The following LRTM3 variants were observed in gnomAD, a reference collection of about 807,000 sequenced individuals.
LRTM3 encodes leucine rich repeat transmembrane protein 3.
At chr13:102,730,500 G>T in the LRTM3 span, 247 of 1,551,454 alleles carry the variant, frequency 1.6e-4, 4 homozygotes, top group Admixed American at 4.8e-3. Flanking sequence ...AACCATACAT[G>T]ATATTGTTTG....
the LRTM3 span, chr13:102,747,946 A>G: frequency 1.3e-6 from 2 of 1,551,156 alleles, no homozygotes; most frequent in South Asian, 1.2e-5. Flanking sequence ...TCAGCTCTGA[A>G]TTTGCCTCTT....
chr13:102,749,450 G>T, the LRTM3 span: 2 of 1,551,182 alleles, frequency 1.3e-6, no homozygotes, highest in African/African-American at 1.4e-5. Flanking sequence ...CTTAAAAATA[G>T]TGTCTTGCCC....
the LRTM3 span, among the ~76,000 whole-genome samples, chr13:102,750,935 C>T: frequency 7.9e-4 from 120 of 152,264 alleles, no homozygotes; most frequent in Middle Eastern, 6.8e-3. Context: ...CACCCATGTA[C>T]CTCAAATGAT....
chr13:102,749,512 G>T, the LRTM3 span: 2 of 1,551,240 alleles, frequency 1.3e-6, no homozygotes, highest in Non-Finnish European at 1.7e-6. Context: ...CACAATGTTG[G>T]TCCTCACCTA....
chr13:102,731,718 C>A, the LRTM3 span: 4 of 1,551,314 alleles, frequency 2.6e-6, no homozygotes, highest in Non-Finnish European at 3.5e-6. Flanking sequence ...ATTTTGACTT[C>A]GCTACTTTTA....
chr13:102,729,381 A>G, the LRTM3 span: 6 of 1,190,294 alleles, frequency 5.0e-6, no homozygotes, highest in Admixed American at 3.5e-5. Context: ...ATGTTATATG[A>G]TTGTATTTTT....
the LRTM3 span, chr13:102,744,757 A>C: frequency 6.4e-7 from 1 of 1,550,548 alleles, no homozygotes; most frequent in South Asian, 1.2e-5. Flanking sequence ...CATGTTGTAC[A>C]TTCATGTTCA....
chr13:102,746,441 T>C, the LRTM3 span: 1 of 1,551,078 alleles, frequency 6.4e-7, no homozygotes. Context: ...CAATCTGCTA[T>C]GCATTGGAGA....
chr13:102,734,791 C>T, the LRTM3 span: 3 of 1,550,932 alleles, frequency 1.9e-6, no homozygotes, highest in African/African-American at 4.1e-5. Flanking sequence ...TAGATTTGGT[C>T]AGAACCACAC....
the LRTM3 span, chr13:102,743,970 G>C: frequency 1.3e-6 from 2 of 1,550,316 alleles, no homozygotes; most frequent in South Asian, 1.2e-5. Flanking sequence ...TGACCATCCA[G>C]ATTTTGTCGG....
chr13:102,745,353 T>C, the LRTM3 span: 1 of 1,550,688 alleles, frequency 6.4e-7, no homozygotes, highest in Non-Finnish European at 8.7e-7. Context: ...CTGAGTCTTT[T>C]TTCTCTTAGC....
the LRTM3 span, chr13:102,749,383 T>A: frequency 1.3e-6 from 2 of 1,551,402 alleles, no homozygotes; most frequent in South Asian, 2.4e-5. Flanking sequence ...TCCTTAGTTG[T>A]GGCATATCTT....
the LRTM3 span, chr13:102,742,456 T>C: frequency 6.5e-7 from 1 of 1,548,804 alleles, no homozygotes; most frequent in South Asian, 1.2e-5. Context: ...GATCTGCCCT[T>C]GTTTTCCAGT....
the LRTM3 span, chr13:102,730,011 C>T: frequency 1.9e-6 from 3 of 1,551,642 alleles, no homozygotes; most frequent in South Asian, 3.6e-5. Flanking sequence ...CTGAATGATA[C>T]ACTAGATGAC....
At chr13:102,731,836 T>C in the LRTM3 span, 5 of 1,549,658 alleles carry the variant, frequency 3.2e-6, no homozygotes, top group Non-Finnish European at 4.4e-6. Flanking sequence ...TGGGTAACTT[T>C]GGATCTTCAA....
At chr13:102,735,838 C>A in the LRTM3 span, 1 of 1,541,182 alleles carries the variant, frequency 6.5e-7, no homozygotes, top group South Asian at 1.2e-5. Context: ...TGTCACAATT[C>A]AGGTAAAATG....
At chr13:102,735,011 C>T in the LRTM3 span, 1 of 1,551,174 alleles carries the variant, frequency 6.4e-7, no homozygotes, top group Non-Finnish European at 8.7e-7. Flanking sequence ...AAAAGAGGGT[C>T]TTGTTAATAT....
chr13:102,733,669 T>C, the LRTM3 span: 1 of 1,551,234 alleles, frequency 6.4e-7, no homozygotes, highest in South Asian at 1.2e-5. Flanking sequence ...TAAAGAGCCA[T>C]TCCGGCCTTT....
chr13:102,747,075 T>G, the LRTM3 span: 10 of 1,551,104 alleles, frequency 6.4e-6, no homozygotes, highest in Non-Finnish European at 8.7e-6. Flanking sequence ...TTTGGTAGAG[T>G]TTCTTTGACG....
Sources: allele counts gnomAD v4.1 joint callset (sites outside exome capture counted in the v4.1 genomes callset), GRCh38; gene constraint gnomAD v4.1.1; transcripts MANE v1.5; gene names NCBI Gene and HGNC (gene_info 2026-07-23, HGNC 2026-07-21).